Variants in DNAH9 observed in about 807,000 individuals in gnomAD.
The protein encoded by DNAH9 is DNAH9 variant protein.
Under a neutral mutation model 471.6 loss-of-function variants are expected in DNAH9, and 345 were observed. The ratio of observed to expected loss-of-function variants is 0.73; its 90% confidence interval spans 0.67 to 0.80. The LOEUF is 0.80. DNAH9 is among the 30% of genes least tolerant of loss of function. DNAH9 has a pLI of 0.00. For synonymous variants in DNAH9, 2,093 were observed against 2,123.6 expected (o/e 0.99, Z 0.40); for missense variants, 5,407 against 5,609.2 (o/e 0.96, Z 1.15).
rs1973576379 is a variant in DNAH9, at chr17:11,905,789, T to G, written c.11729T>G (p.Leu3910Arg). ...ATCCTGTCTCCAGGGGTGGACCCAC[T>G]GAAGGATGTAGAAAGTCAAGGTGAG... ...FFILSPGVDP[L>R]KDVESQGRKL... Residue 3910 changes from leucine (L) to arginine (R), a missense_variant, in exon 61 of 69, where the codon CTG (leucine) becomes CGG (arginine). This residue lies in a region of DNAH9 where 4,636 missense variants were observed against 4,900.3 expected (regional missense o/e 0.95). Transcript: ENST00000262442. 1 of 1,610,744 alleles carries G rather than the reference T, an allele frequency of 6.2e-7. No homozygotes were observed. The highest frequency in any genetic ancestry group is 8.5e-7 in the Non-Finnish European group (1 of 1,178,406).
At chr17:11,922,359 C>T (rs1974165823) in intron 61 of DNAH9, among the ~76,000 whole-genome samples, 1 of 152,080 alleles carries the variant, frequency 6.6e-6, no homozygotes, top group Non-Finnish European at 1.5e-5. Context: ...GTCTACTTCA[C>T]CTTGCTAGAA....
At chr17:11,768,820 C>T (rs576294629) in intron 37 of DNAH9, among the ~76,000 whole-genome samples, 194 bp downstream of exon 37, 2 of 152,122 alleles carry the variant, frequency 1.3e-5, no homozygotes, top group Non-Finnish European at 2.9e-5. Context: ...AGGACATTTC[C>T]TCAAGAGAGG....
intron 50 of DNAH9, among the ~76,000 whole-genome samples, chr17:11,859,061 G>T (rs893452522): frequency 7.4e-6 from 1 of 135,692 alleles, no homozygotes; most frequent in African/African-American, 2.9e-5. Flanking sequence ...TCCAGCATGG[G>T]CAGCAAGAGG....
intron 36 of DNAH9, among the ~76,000 whole-genome samples, 179 bp from the exon 37 acceptor site, chr17:11,768,274 T>C (rs1167042571): frequency 6.6e-6 from 1 of 152,178 alleles, no homozygotes; most frequent in Non-Finnish European, 1.5e-5. Context: ...GTAGTCCGGC[T>C]TGGTCAGGGT....
At chr17:11,935,676 A>G (rs1472103775) in intron 65 of DNAH9, among the ~76,000 whole-genome samples, 1 of 152,076 alleles carries the variant, frequency 6.6e-6, no homozygotes, top group African/African-American at 2.4e-5. Flanking sequence ...GCCCGGCCCG[A>G]AAGATATTTT....
intron 31 of DNAH9, among the ~76,000 whole-genome samples, chr17:11,745,799 G>A (rs2075514801): frequency 6.6e-6 from 1 of 152,222 alleles, no homozygotes; most frequent in Non-Finnish European, 1.5e-5. Context: ...TCAAAATTCA[G>A]TGAGAGGATG....
intron 36 of DNAH9, 41 bp downstream of exon 36, chr17:11,763,655 G>T (rs1967814277): frequency 2.5e-6 from 4 of 1,583,906 alleles, no homozygotes; most frequent in Non-Finnish European, 2.6e-6. Flanking sequence ...ACTGAAGTCT[G>T]TAGCAGCAAA....
chr17:11,885,527 T>TTTCTTTTCAACTAAAAGATTTCAAC (rs558785414), intron 56 of DNAH9, among the ~76,000 whole-genome samples: 260 of 152,362 alleles, frequency 1.7e-3, no homozygotes, highest in African/African-American at 5.5e-3. Flanking sequence ...CTCTTTTAGT[T>TTTCTTTTCAACTAAAAGATTTCAAC]TGCTGATTTT....
intron 67 of DNAH9, among the ~76,000 whole-genome samples, chr17:11,960,435 T>TTAAAAAA (rs1976003339): frequency 1.8e-5 from 1 of 54,060 alleles, no homozygotes; most frequent in Non-Finnish European, 3.3e-5. Flanking sequence ...GACTCTGTCT[T>TTAAAAAA]AAAAAAAAAA....
chr17:11,634,841 T>C (rs2073131576), intron 8 of DNAH9, among the ~76,000 whole-genome samples: 1 of 152,178 alleles, frequency 6.6e-6, no homozygotes, highest in Non-Finnish European at 1.5e-5. Context: ...CTCAGACTTC[T>C]AGGAGCCATC....
intron 62 of DNAH9, among the ~76,000 whole-genome samples, 198 bp from the exon 63 acceptor site, chr17:11,929,667 TG>T (rs1404925414): frequency 6.6e-6 from 1 of 152,226 alleles, no homozygotes; most frequent in East Asian, 1.9e-4. Flanking sequence ...GCACAACATG[TG>T]AGTGCACGTA....
At chr17:11,896,907 A>G (rs535533218) in intron 59 of DNAH9, among the ~76,000 whole-genome samples, 39 of 152,362 alleles carry the variant, frequency 2.6e-4, no homozygotes, top group Non-Finnish European at 4.3e-4. Context: ...CCTGGCCAAC[A>G]TGGTGAAACC....
chr17:11,815,875 T>G (rs1295554829), intron 45 of DNAH9, among the ~76,000 whole-genome samples: 1 of 152,240 alleles, frequency 6.6e-6, no homozygotes, highest in Non-Finnish European at 1.5e-5. Flanking sequence ...ACTCCAAGCT[T>G]CTTTGTCCTG....
intron 50 of DNAH9, 44 bp downstream of exon 50, chr17:11,854,472 T>C: frequency 6.4e-7 from 1 of 1,561,564 alleles, no homozygotes. Context: ...CCGCCTCCAA[T>C]ACAAACAACG....
At chr17:11,798,457 A>AAGAG (rs1166706295) in intron 43 of DNAH9, among the ~76,000 whole-genome samples, 15 of 130,098 alleles carry the variant, frequency 1.2e-4, no homozygotes, top group African/African-American at 3.0e-4. Flanking sequence ...AAAAAAAAAA[A>AAGAG]AGAGAGAGAG....
chr17:11,805,523 CTTTTTTTTTTTTTTTTTTTTTT>C (rs773842478), intron 43 of DNAH9, among the ~76,000 whole-genome samples: 15 of 52,090 alleles, frequency 2.9e-4, no homozygotes, highest in Middle Eastern at 0.02. Flanking sequence ...TACCCGAGTT[CTTTTTTTTTTTTTTTTTTTTTT>C]TTTTTTTTTT....
intron 59 of DNAH9, among the ~76,000 whole-genome samples, chr17:11,901,410 C>T (rs1567887384): frequency 2.0e-5 from 3 of 152,134 alleles, no homozygotes; most frequent in African/African-American, 7.2e-5. Flanking sequence ...CACACTAACA[C>T]TGGGGCCGGG....
At chr17:11,922,838 C>A (rs1161494018) in intron 61 of DNAH9, among the ~76,000 whole-genome samples, 1 of 152,156 alleles carries the variant, frequency 6.6e-6, no homozygotes, top group Non-Finnish European at 1.5e-5. Flanking sequence ...AGAGAAGACA[C>A]AATATTTATT....
At chr17:11,923,106 G>A (rs1238847910) in intron 61 of DNAH9, among the ~76,000 whole-genome samples, 2 of 151,658 alleles carry the variant, frequency 1.3e-5, no homozygotes, top group South Asian at 2.1e-4. Context: ...ACTGAGTTTC[G>A]CTCTTGTTGC....
Sources: allele counts gnomAD v4.1 joint callset (sites outside exome capture counted in the v4.1 genomes callset), GRCh38; gene constraint gnomAD v4.1.1; regional missense constraint gnomAD v4.1.1; transcripts MANE v1.5; gene names NCBI Gene and HGNC (gene_info 2026-07-23, HGNC 2026-07-21).